The following PCDHA3 variants were observed in gnomAD, a reference collection of about 807,000 sequenced individuals.
The protein encoded by PCDHA3 is protocadherin alpha-3.
PCDHA3 carries 41 observed loss-of-function variants against 62.2 expected under a neutral mutation model. That is an observed-to-expected ratio of 0.66 (90% CI 0.51 to 0.86). The LOEUF is 0.86. Ranked by LOEUF, PCDHA3 falls within the 40% of genes least tolerant of loss-of-function variation. The pLI, the probability that PCDHA3 is intolerant of heterozygous loss-of-function variation, is 0.00. For synonymous variants in PCDHA3, 640 were observed against 555.4 expected (o/e 1.15, Z -2.14); for missense variants, 1,304 against 1,241.2 (o/e 1.05, Z -0.76).
intron 1 of PCDHA3, chr5:140,870,708 C>G (rs781841032): frequency 1.8e-5 from 29 of 1,612,898 alleles, no homozygotes; most frequent in Non-Finnish European, 2.5e-5. Context: ...TCCAGGTGAG[C>G]GCGCGCGATG....
Position 141,005,651 on chromosome 5 carries a change from G to A in PCDHA3, c.2543-3976G>A, listed in dbSNP as rs1554260215. ...CGGGAGGCGGAGCTTGCAGTGAGTC[G>A]AGATCGCGCCACTGCACTCCAGCCT... On this transcript the variant is annotated intron_variant, in intron 3 of 3. Coordinates refer to ENST00000522353, the MANE Select transcript of PCDHA3 (RefSeq NM_018906.3). Among the ~76,000 whole-genome samples, 4 of 131,238 alleles carry A rather than the reference G, an allele frequency of 3.0e-5. No homozygotes were observed. In the East Asian group the frequency reaches 7.0e-4, roughly 23 times the overall value. The allele number at this position is 131,238 out of a possible 152,430, so 86.1% of individuals were successfully genotyped here.
At chr5:140,833,718 T>G (rs1772594795) in intron 1 of PCDHA3, among the ~76,000 whole-genome samples, 1 of 151,380 alleles carries the variant, frequency 6.6e-6, no homozygotes, top group Non-Finnish European at 1.5e-5. Flanking sequence ...AGTGTCTGGA[T>G]AGTTGCTAAT....
At position 140,801,842 on chromosome 5, in the gene PCDHA3, T is replaced by G; in HGVS notation, c.645T>G (p.Ile215Met). 1 of 1,614,054 alleles carries G rather than the reference T, an allele frequency of 6.2e-7. No homozygotes were observed. Among genetic ancestry groups the G allele is most frequent in the Non-Finnish European group, 8.5e-7 (1 of 1,180,014 alleles). ...AGCATTATTTACTAATAACAGCAAT[T>G]GATGGTGGGAAACCAGAGCTCACTG... Reference protein sequence around the residue: ...TPKHYLLITAIDGGKPELTGT... With the variant: ...TPKHYLLITAMDGGKPELTGT... The change falls in exon 1 of 4, where the codon ATT becomes ATG. Residue 215 changes from isoleucine (I) to methionine (M), a missense_variant. Ile to Met is a conservative substitution (Grantham distance 10). Coordinates refer to ENST00000522353, the MANE Select transcript of PCDHA3 (RefSeq NM_018906.3).
At chr5:140,971,181 C>T (rs1364149664) in intron 1 of PCDHA3, among the ~76,000 whole-genome samples, 1 of 152,104 alleles carries the variant, frequency 6.6e-6, no homozygotes, top group Non-Finnish European at 1.5e-5. Context: ...AGCTGTAAGC[C>T]GGAAGCTCAG....
At chr5:140,928,034 G>A in intron 1 of PCDHA3, 1 of 1,614,206 alleles carries the variant, frequency 6.2e-7, no homozygotes, top group South Asian at 1.1e-5. Flanking sequence ...GGCATGTCTA[G>A]TGCAGGCCCT....
chr5:140,809,721 A>G, intron 1 of PCDHA3: 1 of 851,958 alleles, frequency 1.2e-6, no homozygotes, highest in East Asian at 2.6e-5. Flanking sequence ...TTGGAATTAT[A>G]GGACATCAGA....
In PCDHA3 at chr5:140,856,327, G is replaced by A; in HGVS notation, c.2394+52736G>A. On this transcript the variant is annotated intron_variant, in intron 1 of 3. Transcript: ENST00000522353. ...TGAATTCTCGGATTGACCGCGAGGAGCTGTGCGGGCGGAGCGTGGAGTGCA... is the reference window on the plus strand; with the variant it reads ...TGAATTCTCGGATTGACCGCGAGGAACTGTGCGGGCGGAGCGTGGAGTGCA... The A allele has an allele frequency of 1.4e-5, 22 of 1,598,708 alleles. 1 individual carries two copies. Among genetic ancestry groups the A allele is most frequent in the South Asian group, 3.3e-5 (3 of 90,534 alleles).
At chr5:140,972,783 C>T (rs1437997582) in intron 1 of PCDHA3, among the ~76,000 whole-genome samples, 2 of 151,768 alleles carry the variant, frequency 1.3e-5, no homozygotes, top group African/African-American at 4.8e-5. Context: ...TCTGCCTCAG[C>T]CTCCTGAGTA....
rs2098422926 is a variant in PCDHA3 at position 141,012,085 on chromosome 5, G to A, written c.*2148G>A. The A allele has an allele frequency of 1.3e-5, 2 of 153,740 alleles. No homozygotes were observed. Among genetic ancestry groups the A allele is most frequent in the Admixed American group, 1.3e-4 (2 of 15,280 alleles). 9.5% of individuals were successfully genotyped at this position (153,740 alleles called of 1,614,324 possible). A position where few individuals can be genotyped will look rare whatever the true frequency, so the allele number is the denominator to read the frequency against. ...ACATGTGAACCATTGCTACATTGTAGGTTGTGATCATTTTGCCCCACTGAA... is the reference window on the plus strand; with the variant it reads ...ACATGTGAACCATTGCTACATTGTAAGTTGTGATCATTTTGCCCCACTGAA... On this transcript the variant is annotated 3_prime_UTR_variant, in exon 4 of 4. Coordinates refer to ENST00000522353, the MANE Select transcript of PCDHA3 (RefSeq NM_018906.3).
chr5:140,899,069 A>G (rs1554188379), intron 1 of PCDHA3, among the ~76,000 whole-genome samples: 1 of 152,164 alleles, frequency 6.6e-6, no homozygotes, highest in Non-Finnish European at 1.5e-5. Flanking sequence ...GAAGTTGCTT[A>G]TCAGCTTAAG....
At chr5:140,808,475 G>C (rs1359220357) in intron 1 of PCDHA3, 2 of 1,614,172 alleles carry the variant, frequency 1.2e-6, no homozygotes, top group South Asian at 1.1e-5. Context: ...CGCGCGAGAC[G>C]GGGGCTCGCC....
intron 3 of PCDHA3, among the ~76,000 whole-genome samples, chr5:141,008,968 T>C (rs1241825350): frequency 6.6e-6 from 1 of 152,256 alleles, no homozygotes; most frequent in Non-Finnish European, 1.5e-5. Flanking sequence ...AATACATTTA[T>C]AGCCAAAGTT....
chr5:140,897,722 T>A (rs1236534951), intron 1 of PCDHA3, among the ~76,000 whole-genome samples: 1 of 152,162 alleles, frequency 6.6e-6, no homozygotes, highest in African/African-American at 2.4e-5. Flanking sequence ...GATGGCTGGG[T>A]CAAATAGTAT....
intron 3 of PCDHA3, among the ~76,000 whole-genome samples, chr5:141,004,400 G>A (rs183932833): frequency 7.4e-4 from 113 of 152,304 alleles, no homozygotes; most frequent in African/African-American, 2.7e-3. Flanking sequence ...TGTGGAGGAG[G>A]CACCTGACTA....
Position 140,843,022 on chromosome 5 carries a change from G to A in PCDHA3, c.2394+39431G>A, listed in dbSNP as rs1554139645. On this transcript the variant is annotated intron_variant, in intron 1 of 3. Transcript: ENST00000522353. Reference sequence around the variant, plus strand: ...ATGACAACGCGCCGGCACTGCTGGAGCCTCGGGTGGGTGGCACTGGTGGCG... The same window carrying A: ...ATGACAACGCGCCGGCACTGCTGGAACCTCGGGTGGGTGGCACTGGTGGCG... 15 of 1,595,022 alleles carry A rather than the reference G, an allele frequency of 9.4e-6. 1 individual carries two copies. The highest frequency in any genetic ancestry group is 1.2e-5 in the Non-Finnish European group (14 of 1,165,456).
At chr5:140,830,392 G>A (rs2150186002) in intron 1 of PCDHA3, 2 of 1,614,160 alleles carry the variant, frequency 1.2e-6, no homozygotes, top group South Asian at 1.1e-5. Context: ...CACCCAAGAT[G>A]GATCTCATGG....
chr5:140,807,376 G>T (rs553258055), intron 1 of PCDHA3: 6 of 1,606,150 alleles, frequency 3.7e-6, no homozygotes, highest in African/African-American at 2.7e-5. Context: ...TGCCGCGCCT[G>T]TTCCGGGTGG....
rs782590821 is a variant in PCDHA3 at position 140,929,251 on chromosome 5, G to T, written c.2395-49698G>T. On this transcript the variant is annotated intron_variant, in intron 1 of 3. Transcript: ENST00000522353. ...CGACCTGCGAAATCTTGCCACTGGG[G>T]TAGGACTGAATTTGCCAATATCCTG... The T allele has an allele frequency of 3.1e-6, 5 of 1,613,416 alleles. No homozygotes were observed. Among genetic ancestry groups the T allele is most frequent in the African/African-American group, 1.3e-5 (1 of 74,908 alleles).
intron 1 of PCDHA3, among the ~76,000 whole-genome samples, chr5:140,952,946 G>A (rs2094822679): frequency 6.6e-6 from 1 of 152,070 alleles, no homozygotes; most frequent in African/African-American, 2.4e-5. Flanking sequence ...AAGAGAGAGA[G>A]AAGGGGGAAG....
Sources: allele counts gnomAD v4.1 joint callset (sites outside exome capture counted in the v4.1 genomes callset), GRCh38; gene constraint gnomAD v4.1.1; transcripts MANE v1.5; gene names NCBI Gene and HGNC (gene_info 2026-07-23, HGNC 2026-07-21).